The following ZNF609 variants were observed in gnomAD, a reference collection of about 807,000 sequenced individuals.
The protein encoded by ZNF609 is zinc finger protein 609.
In ZNF609, 11 loss-of-function variants were observed where a neutral mutation model predicts 109.5. That is an observed-to-expected ratio of 0.10 (90% CI 0.06 to 0.17). The LOEUF is 0.17. ZNF609 is among the 10% of genes least tolerant of loss of function. ZNF609 has a pLI of 1.00. For synonymous variants in ZNF609, 646 were observed against 662.0 expected (o/e 0.98, Z 0.37); for missense variants, 1,559 against 1,772.4 (o/e 0.88, Z 2.16).
At chr15:64,570,587 G>C (rs569531395) in intron 2 of ZNF609, among the ~76,000 whole-genome samples, 4 of 152,238 alleles carry the variant, frequency 2.6e-5, no homozygotes, top group Non-Finnish European at 4.4e-5. Context: ...TGATGATTAT[G>C]GTCAAGTATA....
At chr15:64,591,342 C>T (rs185850945) in intron 2 of ZNF609, among the ~76,000 whole-genome samples, 375 of 152,178 alleles carry the variant, frequency 2.5e-3, no homozygotes, top group African/African-American at 8.6e-3. Context: ...GCAGGAGAAT[C>T]GCTTGAACCC....
At chr15:64,669,843 A>G (rs1336185538) in intron 3 of ZNF609, among the ~76,000 whole-genome samples, 1 of 151,710 alleles carries the variant, frequency 6.6e-6, no homozygotes, top group Non-Finnish European at 1.5e-5. Context: ...AATTTTTGTA[A>G]TTTTAGTAGA....
At chr15:64,515,527 T>C (rs1595704669) in intron 2 of ZNF609, among the ~76,000 whole-genome samples, 1 of 152,176 alleles carries the variant, frequency 6.6e-6, no homozygotes, top group East Asian at 1.9e-4. Context: ...TCTTGGTATT[T>C]GCCCCTCAGC....
At chr15:64,459,797 A>G (rs532508152), upstream of ZNF609, among the ~76,000 whole-genome samples, 9 of 152,276 alleles carry the variant, frequency 5.9e-5, no homozygotes, top group African/African-American at 7.2e-5. Flanking sequence ...GCTGGGTGGG[A>G]GGGCTCACTT....
At chr15:64,606,720 T>G (rs1341053776) in intron 2 of ZNF609, among the ~76,000 whole-genome samples, 3 of 152,070 alleles carry the variant, frequency 2.0e-5, no homozygotes, top group African/African-American at 7.2e-5. Flanking sequence ...AAGATCAGCA[T>G]TTATAGTTTA....
chr15:64,481,785 GTTTA>G (rs1165104504), intron 1 of ZNF609, among the ~76,000 whole-genome samples: 1 of 151,830 alleles, frequency 6.6e-6, no homozygotes, highest in Non-Finnish European at 1.5e-5. Flanking sequence ...TGTGTTTTTT[GTTTA>G]TTTGTTTGTT....
chr15:64,574,572 A>G (rs1894917140), intron 2 of ZNF609, among the ~76,000 whole-genome samples: 1 of 152,146 alleles, frequency 6.6e-6, no homozygotes, highest in Admixed American at 6.6e-5. Context: ...CAAAATCTGG[A>G]CTACATATCT....
chr15:64,460,192 C>T (rs1347475873), upstream of ZNF609, among the ~76,000 whole-genome samples: 1 of 152,076 alleles, frequency 6.6e-6, no homozygotes, highest in East Asian at 1.9e-4. Flanking sequence ...ACGGCCCTTT[C>T]CTCTCTGTGG....
intron 1 of ZNF609, among the ~76,000 whole-genome samples, chr15:64,478,440 G>C (rs1363252812): frequency 6.6e-6 from 1 of 151,808 alleles, no homozygotes; most frequent in Admixed American, 6.6e-5. Flanking sequence ...TTGCGATCTC[G>C]GCTCACTGCA....
intron 1 of ZNF609, among the ~76,000 whole-genome samples, chr15:64,467,680 A>C (rs1893035179): frequency 6.6e-6 from 1 of 152,188 alleles, no homozygotes; most frequent in South Asian, 2.1e-4. Context: ...TCCTGTCTCT[A>C]CTAAAAATAC....
At chr15:64,524,802 AT>A (rs1375184789) in intron 2 of ZNF609, among the ~76,000 whole-genome samples, 4 of 152,056 alleles carry the variant, frequency 2.6e-5, no homozygotes, top group Non-Finnish European at 5.9e-5. Context: ...GTATGGACAT[AT>A]GTCTTCAGTT....
upstream of ZNF609, among the ~76,000 whole-genome samples, chr15:64,460,306 C>G (rs574318554): frequency 8.2e-4 from 125 of 152,246 alleles, no homozygotes; most frequent in African/African-American, 2.7e-3. Context: ...GTTCTACTGC[C>G]CACGAGGGGA....
intron 2 of ZNF609, among the ~76,000 whole-genome samples, chr15:64,567,999 T>C (rs1894804775): frequency 6.6e-6 from 1 of 152,184 alleles, no homozygotes; most frequent in South Asian, 2.1e-4. Flanking sequence ...TTATGAATAA[T>C]TTTAAACATA....
chr15:64,468,318 T>G (rs565059182), intron 1 of ZNF609, among the ~76,000 whole-genome samples: 1 of 151,578 alleles, frequency 6.6e-6, no homozygotes, highest in Admixed American at 6.6e-5. Context: ...TCCTCCTCCT[T>G]CTGCTTCTCC....
At position 64,500,093 on chromosome 15, in the gene ZNF609, C is replaced by A; in HGVS notation, c.674C>A (p.Pro225His). ...IAIEPGAALN[P>H]LGTKPEPEEG... The stretch of plus-strand genomic sequence containing the variant: ...ATTGAGCCTGGGGCAGCGCTCAATC[C>A]TTTGGGAACTAAACCGGAGCCAGAG... The change falls in exon 2 of 10, where the codon CCT becomes CAT. Residue 225 changes from proline (P) to histidine (H), a missense_variant. Physicochemically the swap from Pro to His is moderately conservative, Grantham distance 77. This residue lies in a region of ZNF609 where 291 missense variants were observed against 317.8 expected (regional missense o/e 0.92). Transcript: ENST00000326648. 1 of 1,614,122 alleles carries A rather than the reference C, an allele frequency of 6.2e-7. No homozygotes were observed. Among genetic ancestry groups the A allele is most frequent in the South Asian group, 1.1e-5 (1 of 91,082 alleles).
At chr15:64,527,885 C>T (rs1363293450) in intron 2 of ZNF609, among the ~76,000 whole-genome samples, 3 of 152,142 alleles carry the variant, frequency 2.0e-5, no homozygotes, top group Non-Finnish European at 4.4e-5. Flanking sequence ...TCATTTTTAA[C>T]CTGGACCAAA....
Position 64,680,649 on chromosome 15 carries a change from A to T in ZNF609, c.3949A>T (p.Ser1317Cys). ...GTGTCTCTGGTTTCCTTTCCAGATA[A>T]GTGATAAAACTTCTCAGGAGAGAGA... is the stretch of plus-strand genomic sequence containing the variant. ...SHYKSKSPTI[S>C]DKTSQERDRG... The change falls in exon 8 of 10, where the codon AGT becomes TGT. Residue 1317 changes from serine (S) to cysteine (C), a missense_variant. Physicochemically the swap from Ser to Cys is moderately radical, Grantham distance 112 (BLOSUM62 -1). Around this residue, in one of 4 missense-constraint regions of ZNF609, gnomAD observed 1,204 missense variants for 1,314.1 expected, o/e 0.92. Transcript: ENST00000326648. 6.3e-7 allele frequency: 1 copy of T among 1,583,160 alleles called. No individual in the cohort carries two copies. Among genetic ancestry groups the T allele is most frequent in the Non-Finnish European group, 8.6e-7 (1 of 1,164,182 alleles).
intron 2 of ZNF609, among the ~76,000 whole-genome samples, chr15:64,505,552 GC>G (rs1893623593): frequency 1.3e-5 from 2 of 152,158 alleles, no homozygotes; most frequent in African/African-American, 4.8e-5. Context: ...GATGGTCTCT[GC>G]TTTTTGAGGA....
At chr15:64,509,647 G>C (rs2140356815) in intron 2 of ZNF609, among the ~76,000 whole-genome samples, 1 of 152,310 alleles carries the variant, frequency 6.6e-6, no homozygotes, top group African/African-American at 2.4e-5. Flanking sequence ...TTGTTTGATT[G>C]GTCAGTTTGG....
Sources: gnomAD v4.1 joint callset for allele counts (sites outside exome capture counted in the v4.1 genomes callset) on GRCh38, gnomAD v4.1.1 for gene constraint, gnomAD v4.1.1 regional missense constraint, MANE v1.5 for transcripts, NCBI Gene and HGNC (gene_info 2026-07-23, HGNC 2026-07-21) for gene names.